GCA: variants seen among roughly 807,000 people sequenced by gnomAD.
GCA encodes the protein grancalcin, EF-hand calcium-binding protein.
GCA carries 30 observed loss-of-function variants against 32.6 expected under a neutral mutation model. The ratio of observed to expected loss-of-function variants is 0.92; its 90% CI spans 0.69 to 1.25. The LOEUF is 1.25. Among genes scored for constraint, GCA ranks in the 50% most tolerant of loss-of-function variants. GCA has a pLI of 0.00. For missense variants in GCA, 291 were observed against 266.8 expected (o/e 1.09, Z -0.63); for synonymous variants, 102 against 84.6 (o/e 1.21, Z -1.13).
chr2:162,330,777 A>G (rs1684050096), intron 1 of GCA, among the ~76,000 whole-genome samples: 1 of 152,210 alleles, frequency 6.6e-6, no homozygotes, highest in Non-Finnish European at 1.5e-5. Context: ...TGAGGATACC[A>G]TCAATTCTCA....
intron 5 of GCA, among the ~76,000 whole-genome samples, chr2:162,357,838 G>A (rs892375729): frequency 4.0e-5 from 6 of 151,544 alleles, no homozygotes; most frequent in East Asian, 1.9e-4. Context: ...GCAGTGGAAT[G>A]TAAAAAGGGT....
At chr2:162,325,392 C>T (rs1395182685) in intron 1 of GCA, among the ~76,000 whole-genome samples, 1 of 152,052 alleles carries the variant, frequency 6.6e-6, no homozygotes, top group East Asian at 1.9e-4. Flanking sequence ...GCTCCTGGGG[C>T]CCATTTCTGC....
At chr2:162,327,068 C>T (rs1338801891) in intron 1 of GCA, among the ~76,000 whole-genome samples, 1 of 152,116 alleles carries the variant, frequency 6.6e-6, no homozygotes. Context: ...ATTCCAGGAA[C>T]CATGGCCTCC....
Position 162,360,916 on chromosome 2 carries a change from AAC to A in GCA, c.*675_*676del. On this transcript the variant is annotated 3_prime_UTR_variant, in exon 8 of 8. Transcript: ENST00000437150. ...TTCTCTAAGCAAAAAGTTCTTAATA[AAC>A]ATAGTATTTCTCTCTGCGTCCTATT... is the stretch of plus-strand genomic sequence containing the variant. The A allele has an allele frequency of 8.7e-7, 1 of 1,153,306 alleles. No individual in the cohort carries two copies. Among genetic ancestry groups the A allele is most frequent in the Non-Finnish European group, 1.1e-6 (1 of 931,182 alleles). 71.4% of individuals were successfully genotyped at this position (1,153,306 alleles called of 1,614,324 possible).
intron 4 of GCA, among the ~76,000 whole-genome samples, chr2:162,368,623 C>G (rs1685830584): frequency 6.6e-6 from 1 of 152,000 alleles, no homozygotes; most frequent in Non-Finnish European, 1.5e-5. Flanking sequence ...CTAAAGTTCA[C>G]CCTCCAAAAG....
chr2:162,367,630 TAAAAC>T (rs1306906256), downstream of GCA, among the ~76,000 whole-genome samples: 7 of 152,060 alleles, frequency 4.6e-5, no homozygotes, highest in Non-Finnish European at 8.8e-5. Flanking sequence ...TTAAGAGAGA[TAAAAC>T]AATAGTTACA....
upstream of GCA, among the ~76,000 whole-genome samples, chr2:162,339,450 G>C (rs566862931): frequency 6.6e-6 from 1 of 152,280 alleles, no homozygotes; most frequent in East Asian, 1.9e-4. Context: ...CAATGTGACA[G>C]AACAACAGTG....
rs1485408091 is a variant in GCA at position 162,363,013 on chromosome 2, A to G, written c.*2770A>G. On this transcript the variant is annotated 3_prime_UTR_variant, in exon 8 of 8. Transcript: ENST00000437150. ...GTCTGTGGAGTTAAAAAAAATAACA[A>G]AAAATCAATTTGTGATTATTTCTTT... 6.6e-6 allele frequency among the ~76,000 whole-genome samples: 1 copy of G among 151,444 alleles called. No individual in the cohort carries two copies. Among genetic ancestry groups the G allele is most frequent in the Non-Finnish European group, 1.5e-5 (1 of 67,542 alleles).
Position 162,360,739 on chromosome 2 carries a change from T to A in GCA, c.*496T>A, listed in dbSNP as rs894304250. 52 of 1,400,014 alleles carry A rather than the reference T, an allele frequency of 3.7e-5. No homozygotes were observed. Among genetic ancestry groups the A allele is most frequent in the Non-Finnish European group, 4.5e-5 (49 of 1,078,784 alleles). 86.7% of individuals were successfully genotyped at this position (1,400,014 alleles called of 1,614,324 possible). A position where few individuals can be genotyped will look rare whatever the true frequency, so the allele number is the denominator to read the frequency against. On this transcript the variant is annotated 3_prime_UTR_variant, in exon 8 of 8. Coordinates refer to ENST00000437150, the MANE Select transcript of GCA (RefSeq NM_012198.5). Reference sequence around the variant, plus strand: ...TAATATAGTTTGTTCCTTGATCAAATAATCAGAGAAAAGAAACTTAAAGAT... The same window carrying A: ...TAATATAGTTTGTTCCTTGATCAAAAAATCAGAGAAAAGAAACTTAAAGAT...
At chr2:162,342,877 T>C (rs1032243508), upstream of GCA, among the ~76,000 whole-genome samples, 5 of 152,264 alleles carry the variant, frequency 3.3e-5, no homozygotes, top group African/African-American at 1.2e-4. Context: ...CATGCATTTT[T>C]CCCTTTTGCC....
intron 1 of GCA, among the ~76,000 whole-genome samples, chr2:162,338,926 C>T (rs1447815379): frequency 6.6e-6 from 1 of 152,140 alleles, no homozygotes; most frequent in Non-Finnish European, 1.5e-5. Flanking sequence ...CATCACCTTT[C>T]TGAAGAGCCT....
At chr2:162,320,966 C>A (rs1683640449) in intron 1 of GCA, among the ~76,000 whole-genome samples, 1 of 152,072 alleles carries the variant, frequency 6.6e-6, no homozygotes, top group African/African-American at 2.4e-5. Flanking sequence ...CACATAATAC[C>A]CAACAATAAC....
downstream of GCA, among the ~76,000 whole-genome samples, chr2:162,365,228 AT>A (rs1163885940): frequency 2.0e-5 from 3 of 151,564 alleles, no homozygotes; most frequent in African/African-American, 7.3e-5. Context: ...CAGAAATTAT[AT>A]GCTTCATTCT....
At chr2:162,365,634 A>G (rs1204926038), downstream of GCA, among the ~76,000 whole-genome samples, 2 of 151,704 alleles carry the variant, frequency 1.3e-5, no homozygotes, top group Non-Finnish European at 3.0e-5. Context: ...GTGACTACAC[A>G]CATTCTTTTT....
At chr2:162,341,665 C>A (rs1372602401), upstream of GCA, among the ~76,000 whole-genome samples, 1 of 152,100 alleles carries the variant, frequency 6.6e-6, no homozygotes, top group Non-Finnish European at 1.5e-5. Context: ...TTTTCTACTG[C>A]CATTTAAAAA....
intron 4 of GCA, among the ~76,000 whole-genome samples, chr2:162,369,273 G>A (rs1685848788): frequency 6.6e-6 from 1 of 151,986 alleles, no homozygotes; most frequent in Non-Finnish European, 1.5e-5. Context: ...AATTGCTTTG[G>A]TCATCTGTAA....
downstream of GCA, among the ~76,000 whole-genome samples, chr2:162,364,117 T>C (rs765116648): frequency 8.6e-5 from 13 of 151,408 alleles, no homozygotes; most frequent in Admixed American, 3.3e-4. Flanking sequence ...TTCTGACATA[T>C]TGTGAGAGGT....
At chr2:162,353,132 A>G (rs1245593092) in intron 3 of GCA, among the ~76,000 whole-genome samples, 3 of 151,996 alleles carry the variant, frequency 2.0e-5, no homozygotes, top group Non-Finnish European at 4.4e-5. Flanking sequence ...AAAATTCATT[A>G]TCTTATTTTA....
chr2:162,360,470 T>C lies in GCA; in HGVS notation c.*227T>C. ...AAAAGTTATTTTATAAATATGTGCA[T>C]ATTGTCATAAAATATTGTATGATTA... On this transcript the variant is annotated 3_prime_UTR_variant, in exon 8 of 8. Transcript: ENST00000437150. 2 of 1,008,786 alleles carry C rather than the reference T, an allele frequency of 2.0e-6. No homozygotes were observed. Among genetic ancestry groups the C allele is most frequent in the Non-Finnish European group, 2.6e-6 (2 of 757,850 alleles). 62.5% of individuals were successfully genotyped at this position (1,008,786 alleles called of 1,614,324 possible).
Sources: allele counts gnomAD v4.1 joint callset (sites outside exome capture counted in the v4.1 genomes callset), GRCh38; gene constraint gnomAD v4.1.1; transcripts MANE v1.5; gene names NCBI Gene and HGNC (gene_info 2026-07-23, HGNC 2026-07-21).